NFS1: variants seen among roughly 807,000 people sequenced by gnomAD.
NFS1 encodes the protein NFS1 cysteine desulfurase, also known as cysteine desulfurase.
Under a neutral mutation model 57.3 loss-of-function variants are expected in NFS1, and 26 were observed. That is an observed-to-expected ratio of 0.45 (90% CI 0.33 to 0.63). The LOEUF is 0.63. NFS1 is among the 20% of genes least tolerant of loss of function. NFS1 has a pLI of 0.02. For missense variants in NFS1, 505 were observed against 605.8 expected (o/e 0.83, Z 1.75); for synonymous variants, 209 against 216.3 (o/e 0.97, Z 0.30).
At chr20:35,692,683 ACT>A (rs1304525481) in intron 4 of NFS1, among the ~76,000 whole-genome samples, 4 of 151,062 alleles carry the variant, frequency 2.6e-5, no homozygotes, top group Non-Finnish European at 5.9e-5. Flanking sequence ...TGAGATCAAG[ACT>A]CTGTCTCAAA....
At chr20:35,683,409 G>T (rs1002892045) in intron 5 of NFS1, among the ~76,000 whole-genome samples, 1 of 151,738 alleles carries the variant, frequency 6.6e-6, no homozygotes, top group African/African-American at 2.4e-5. Flanking sequence ...TTGAACCCGG[G>T]GGGCAGAGGT....
At chr20:35,674,796 G>T (rs920155801) in intron 8 of NFS1, 179 bp from the exon 9 acceptor site, 2 of 676,002 alleles carry the variant, frequency 3.0e-6, no homozygotes, top group Admixed American at 2.8e-5. Context: ...TGCAAAAGGC[G>T]CTTGATAACT....
At chr20:35,691,235 C>A (rs976792711) in intron 4 of NFS1, among the ~76,000 whole-genome samples, 4 of 151,990 alleles carry the variant, frequency 2.6e-5, no homozygotes, top group Non-Finnish European at 5.9e-5. Flanking sequence ...GAGTTCTACT[C>A]TATATTATTG....
chr20:35,697,650 G>A, intron 3 of NFS1, 34 bp downstream of exon 3: 1 of 1,457,398 alleles, frequency 6.9e-7, no homozygotes, highest in Non-Finnish European at 9.4e-7. Flanking sequence ...GCCCCTCTTT[G>A]ACCTTAGAAC....
At chr20:35,686,660 AG>A (rs200439486) in intron 5 of NFS1, among the ~76,000 whole-genome samples, 6,523 of 152,244 alleles carry the variant, frequency 0.043, 159 homozygotes, top group African/African-American at 0.072. Flanking sequence ...AGGCCAAATA[AG>A]TACTTTAGAA....
intron 1 of NFS1, 177 bp from the exon 2 acceptor site, chr20:35,698,767 A>G (rs1174190541): frequency 7.1e-7 from 1 of 1,408,526 alleles, no homozygotes; most frequent in African/African-American, 1.5e-5. Context: ...AAAAGGAGGT[A>G]AGGGAGAGGG....
rs1397955339 is a variant in NFS1 at position 35,698,514 on chromosome 20, A to C, written c.174T>G (p.Pro58=). 3.1e-6 allele frequency: 5 copies of C among 1,613,558 alleles called. 1 individual carries two copies. The highest frequency in any genetic ancestry group is 4.2e-6 in the Non-Finnish European group (5 of 1,179,840). The part of the protein sequence containing the change: ...AAPEVGPVLR[P]LYMDVQATTP... ...TTGTAGCTTGCACATCCATATAGAG[A>C]GGTCGCAGCACTGGCCCCACCTCCG... Residue 58 remains proline, a synonymous_variant, in exon 2 of 13, where the codon CCT becomes CCG. Coordinates refer to ENST00000374092, the MANE Select transcript of NFS1 (RefSeq NM_021100.5).
intron 5 of NFS1, among the ~76,000 whole-genome samples, chr20:35,684,802 A>G (rs1034655199): frequency 6.6e-6 from 1 of 151,830 alleles, no homozygotes; most frequent in Non-Finnish European, 1.5e-5. Flanking sequence ...GGTGGCTCAT[A>G]CCTACAATCC....
Position 35,669,577 on chromosome 20 carries a change from G to A in NFS1, c.*45C>T, listed in dbSNP as rs761938091. 1.9e-6 allele frequency: 3 copies of A among 1,580,286 alleles called. No individual in the cohort carries two copies. Among genetic ancestry groups the A allele is most frequent in the Non-Finnish European group, 2.6e-6 (3 of 1,149,332 alleles). ...GGTGTCTGGTTGTGCACGGGTTGGT[G>A]AGGCAGGAGGGGCCAGACCAGCACA... On this transcript the variant is annotated 3_prime_UTR_variant, in exon 13 of 13. Transcript: ENST00000374092.
In NFS1 at chr20:35,696,430, G is replaced by A. The variant is rs767791186; in HGVS notation, c.355C>T (p.Arg119Cys). 2.3e-5 allele frequency: 37 copies of A among 1,613,816 alleles called. No homozygotes were observed. Among genetic ancestry groups the A allele is most frequent in the Non-Finnish European group, 2.9e-5 (34 of 1,179,894 alleles). Residue 119 changes from arginine (R) to cysteine (C), a missense_variant, in exon 4 of 13, where the codon CGT (arginine) becomes TGT (cysteine). Physicochemically the swap from Arg to Cys is radical, Grantham distance 180. Transcript: ENST00000374092. ...GCACCACTAGTAAAAATGATCTCACGAGGATCAGCTCCAATCAGAGATGCT... is the reference window on the plus strand; with the variant it reads ...GCACCACTAGTAAAAATGATCTCACAAGGATCAGCTCCAATCAGAGATGCT... Reference protein sequence around the residue: ...QVASLIGADPREIIFTSGATE... With the variant: ...QVASLIGADPCEIIFTSGATE...
intron 7 of NFS1, among the ~76,000 whole-genome samples, chr20:35,680,453 T>G (rs1034828459): frequency 1.1e-4 from 17 of 152,224 alleles, no homozygotes; most frequent in African/African-American, 3.4e-4. Flanking sequence ...TAGATAAATT[T>G]GATTTGACAA....
At chr20:35,694,400 C>T (rs1421284963) in intron 4 of NFS1, among the ~76,000 whole-genome samples, 3 of 152,084 alleles carry the variant, frequency 2.0e-5, no homozygotes, top group African/African-American at 7.2e-5. Flanking sequence ...CGGTCTCAGC[C>T]TCCCAAAGTG....
chr20:35,683,311 G>A (rs537954176), intron 5 of NFS1, among the ~76,000 whole-genome samples: 31 of 151,050 alleles, frequency 2.1e-4, no homozygotes, highest in African/African-American at 2.7e-4. Context: ...GTGAAACCCC[G>A]TCTCTACTAA....
At chr20:35,671,948 GTTGTTTTTGTTT>G (rs200961816) in intron 12 of NFS1, among the ~76,000 whole-genome samples, 2 of 151,110 alleles carry the variant, frequency 1.3e-5, no homozygotes. Context: ...TCTTTAGTTT[GTTGTTTTTGTTT>G]TTGTTTTTGT....
At position 35,699,177 on chromosome 20, in the gene NFS1, G is replaced by T. The variant is rs779917448; in HGVS notation, c.97+15C>A. ...GACAGGTCCGCGCCTCCCGGAGAGC[G>T]GGACCCGAGCGTACCGCGCAGGCGC... On this transcript the variant is annotated intron_variant, in intron 1 of 12. Transcript: ENST00000374092. This position sits in a 1 kb window ranked among gnomAD's most constrained non-coding sequence, Gnocchi z 4.4. 1.2e-5 allele frequency: 17 copies of T among 1,391,978 alleles called. No homozygotes were observed. In the South Asian group the frequency reaches 2.2e-4, roughly 18 times the overall value. The allele number at this position is 1,391,978 out of a possible 1,614,324, so 86.2% of individuals were successfully genotyped here. A position where few individuals can be genotyped will look rare whatever the true frequency, so the allele number is the denominator to read the frequency against.
At chr20:35,693,835 G>T (rs1215653879) in intron 4 of NFS1, among the ~76,000 whole-genome samples, 1 of 152,026 alleles carries the variant, frequency 6.6e-6, no homozygotes, top group African/African-American at 2.4e-5. Context: ...GGTGGTGGGA[G>T]CCTGTAGTCC....
At position 35,699,264 on chromosome 20, in the gene NFS1, G is replaced by A. The variant is rs2035202005; in HGVS notation, c.25C>T (p.Arg9Trp). 2 of 1,420,404 alleles carry A rather than the reference G, an allele frequency of 1.4e-6. No homozygotes were observed. Among genetic ancestry groups the A allele is most frequent in the East Asian group, 5.9e-5 (2 of 33,920 alleles). 88.0% of individuals were successfully genotyped at this position (1,420,404 alleles called of 1,614,324 possible). The change falls in exon 1 of 13, where the codon CGG becomes TGG. Residue 9 changes from arginine (R) to tryptophan (W), a missense_variant. By Grantham distance (101) the Arg-to-Trp change is moderately radical. Transcript: ENST00000374092. The surrounding 1 kb of genome is among the most constrained non-coding windows in gnomAD (Gnocchi z 4.4). ...GCCGCTGTCACCGCCACTGCCGCCC[G>A]CCTCCAAGCGGCTCGGAGCAGCATG... MLLRAAWR[R>W]AAVAVTAAPG... is the part of the protein sequence containing the mutation.
In NFS1 at chr20:35,673,701, G is replaced by C; in HGVS notation, c.1137-17C>G. On this transcript the variant is annotated splice_polypyrimidine_tract_variant and intron_variant, in intron 10 of 12. Transcript: ENST00000374092. The stretch of plus-strand genomic sequence containing the variant: ...GTGCAGGCACTGAGGAGAGAGACAC[G>C]AACCTTGTTCAGTTCATCATCAACG... 6.2e-7 allele frequency: 1 copy of C among 1,602,934 alleles called. No homozygotes were observed.
chr20:35,698,386 G>A (rs1207405092), intron 2 of NFS1, 95 bp downstream of exon 2: 3 of 966,478 alleles, frequency 3.1e-6, no homozygotes, highest in Middle Eastern at 2.2e-4. Flanking sequence ...ACACCTTCAC[G>A]GCTCTCACTT....
Sources: gnomAD v4.1 joint callset for allele counts (sites outside exome capture counted in the v4.1 genomes callset) on GRCh38, gnomAD v4.1.1 for gene constraint, Gnocchi (gnomAD v3.1) non-coding constraint, MANE v1.5 for transcripts, NCBI Gene and HGNC (gene_info 2026-07-23, HGNC 2026-07-21) for gene names.